Variants in CNOT6 observed in about 807,000 individuals in gnomAD.
CNOT6 encodes the protein carbon catabolite repression 4 protein.
Under a neutral mutation model 61.2 loss-of-function variants are expected in CNOT6, and 12 were observed. The observed-to-expected ratio is 0.20, with a 90% CI of 0.13 to 0.32. CNOT6 has a LOEUF of 0.32. Ranked by LOEUF, CNOT6 falls within the 10% of genes least tolerant of loss-of-function variation. CNOT6 has a pLI of 1.00. For missense variants in CNOT6, 405 were observed against 663.9 expected (o/e 0.61, Z 4.28); for synonymous variants, 225 against 240.6 (o/e 0.94, Z 0.60).
intron 1 of CNOT6, among the ~76,000 whole-genome samples, chr5:180,498,626 C>T (rs919613746): frequency 6.6e-6 from 1 of 152,144 alleles, no homozygotes; most frequent in Non-Finnish European, 1.5e-5. Context: ...GAAGGACCAG[C>T]CTTGCTAAGC....
chr5:180,512,675 C>T (rs980949813), intron 1 of CNOT6, among the ~76,000 whole-genome samples: 1 of 152,234 alleles, frequency 6.6e-6, no homozygotes, highest in Non-Finnish European at 1.5e-5. Flanking sequence ...CTGCTCACTG[C>T]AGCCTCCACC....
At chr5:180,556,943 G>C (rs143890905) in intron 4 of CNOT6, among the ~76,000 whole-genome samples, 2 of 150,434 alleles carry the variant, frequency 1.3e-5, no homozygotes, top group African/African-American at 4.9e-5. Flanking sequence ...GCAACAGAGC[G>C]AGACTCCGTC....
At chr5:180,567,559 T>G (rs1005135388) in intron 8 of CNOT6, among the ~76,000 whole-genome samples, 6 of 152,218 alleles carry the variant, frequency 3.9e-5, no homozygotes, top group Non-Finnish European at 5.9e-5. Flanking sequence ...TAGAAAAGAA[T>G]TGTTTAAAAA....
chr5:180,498,219 T>C (rs1472858277), intron 1 of CNOT6, among the ~76,000 whole-genome samples: 1 of 152,190 alleles, frequency 6.6e-6, no homozygotes, highest in East Asian at 1.9e-4. Flanking sequence ...TTCGCTCTTC[T>C]CTGTCCTTCA....
Position 180,529,946 on chromosome 5 carries a change from T to TA in CNOT6, c.112+559dup, listed in dbSNP as rs1758277271. On this transcript the variant is annotated intron_variant, in intron 2 of 11. Coordinates refer to ENST00000261951, the MANE Select transcript of CNOT6 (RefSeq NM_001370472.1). ...TTCCCCTTTTAATGCAATCTGGACA[T>TA]ATTCAAAGAAATATATGAGCCCTCA... 4.6e-5 allele frequency among the ~76,000 whole-genome samples: 7 copies of TA among 152,200 alleles called. No individual in the cohort carries two copies. The South Asian group carries it at 1.4e-3, about 31-fold the overall frequency.
chr5:180,570,689 A>C (rs1481097316), intron 10 of CNOT6, among the ~76,000 whole-genome samples: 1 of 152,230 alleles, frequency 6.6e-6, no homozygotes, highest in African/African-American at 2.4e-5. Context: ...ATGTAAATGA[A>C]AGTATATTTT....
intron 4 of CNOT6, among the ~76,000 whole-genome samples, chr5:180,555,652 G>A (rs979962778): frequency 1.3e-5 from 2 of 152,156 alleles, no homozygotes; most frequent in Non-Finnish European, 2.9e-5. Flanking sequence ...GGAATGATCC[G>A]TTTGGGGGTA....
intron 4 of CNOT6, among the ~76,000 whole-genome samples, chr5:180,561,062 T>C (rs1023556255): frequency 6.6e-6 from 1 of 152,126 alleles, no homozygotes; most frequent in African/African-American, 2.4e-5. Flanking sequence ...GCAGCTCTCC[T>C]ACCTCAGCCT....
chr5:180,558,917 T>C (rs1396005605), intron 4 of CNOT6, among the ~76,000 whole-genome samples: 1 of 152,186 alleles, frequency 6.6e-6, no homozygotes, highest in African/African-American at 2.4e-5. Flanking sequence ...CAGGTGGGAC[T>C]ACAAGCACTT....
intron 1 of CNOT6, among the ~76,000 whole-genome samples, chr5:180,521,915 C>G (rs1341966186): frequency 6.6e-6 from 1 of 152,080 alleles, no homozygotes; most frequent in East Asian, 1.9e-4. Context: ...GTATATGTGC[C>G]ACATTTTCTT....
intron 1 of CNOT6, among the ~76,000 whole-genome samples, chr5:180,502,296 C>A (rs1307296355): frequency 6.6e-6 from 1 of 152,132 alleles, no homozygotes; most frequent in East Asian, 1.9e-4. Context: ...AAAAAAAACT[C>A]TTTCTCATTA....
At chr5:180,566,305 A>G (rs1457312249) in intron 7 of CNOT6, among the ~76,000 whole-genome samples, 2 of 152,202 alleles carry the variant, frequency 1.3e-5, no homozygotes, top group East Asian at 3.8e-4. Flanking sequence ...TGCATTGCCG[A>G]CCATGTTGCT....
intron 4 of CNOT6, among the ~76,000 whole-genome samples, chr5:180,556,739 T>A (rs748731343): frequency 1.6e-4 from 25 of 152,084 alleles, no homozygotes; most frequent in Non-Finnish European, 3.2e-4. Context: ...GATCACGAGG[T>A]CAGGGGATCG....
At chr5:180,507,179 G>C (rs1053797922) in intron 1 of CNOT6, among the ~76,000 whole-genome samples, 1 of 152,168 alleles carries the variant, frequency 6.6e-6, no homozygotes, top group South Asian at 2.1e-4. Context: ...TTTGTGAGGG[G>C]TAAGTGGGAA....
Position 180,560,687 on chromosome 5 carries a change from G to T in CNOT6, c.386-3802G>T, listed in dbSNP as rs185284605. Among the ~76,000 whole-genome samples, 4 of 152,236 alleles carry T rather than the reference G, an allele frequency of 2.6e-5. No individual in the cohort carries two copies. In the East Asian group the frequency reaches 5.8e-4, roughly 22 times the overall value. On this transcript the variant is annotated intron_variant, in intron 4 of 11. Coordinates refer to ENST00000261951, the MANE Select transcript of CNOT6 (RefSeq NM_001370472.1). ...TAGTTTTCAGAAGTTTAATTATGAT[G>T]TGTCTTGCTGTGGATTCCTTTGGGT...
rs187639606 is a variant in CNOT6 at position 180,552,338 on chromosome 5, C to T, written c.300-1048C>T. 7.1e-4 allele frequency among the ~76,000 whole-genome samples: 108 copies of T among 151,994 alleles called. 1 individual carries two copies. The highest frequency in any genetic ancestry group is 3.7e-3 in the Admixed American group (57 of 15,262). ...AGATTATAGAAATAGATTTCTTGCA[C>T]ACTTAAAAAGTGACAAATAGGCTGG... On this transcript the variant is annotated intron_variant, in intron 3 of 11. Coordinates refer to ENST00000261951, the MANE Select transcript of CNOT6 (RefSeq NM_001370472.1).
intron 2 of CNOT6, among the ~76,000 whole-genome samples, chr5:180,529,823 C>T (rs1311915436): frequency 2.0e-5 from 3 of 152,164 alleles, no homozygotes; most frequent in East Asian, 3.8e-4. Flanking sequence ...GTTTGTTTCT[C>T]CTTATTTTCT....
chr5:180,555,943 A>G (rs1759864508), intron 4 of CNOT6, among the ~76,000 whole-genome samples: 1 of 152,096 alleles, frequency 6.6e-6, no homozygotes, highest in South Asian at 2.1e-4. Flanking sequence ...CCGCAGTACT[A>G]CAGTTAAAGG....
rs749164074 is a variant in CNOT6 at position 180,565,842 on chromosome 5, T to C, written c.582T>C (p.Tyr194=). Residue 194 remains tyrosine (Y), a synonymous_variant, in exon 7 of 12, where the codon TAT becomes TAC. Transcript: ENST00000261951. ...RPTALFSVMC[Y]NVLCDKYATR... ...CAGCCTTGTTTTCTGTCATGTGCTATAATGTTCTTTGTGATAAATATGCGA... is the reference window on the plus strand; with the variant it reads ...CAGCCTTGTTTTCTGTCATGTGCTACAATGTTCTTTGTGATAAATATGCGA... The C allele has an allele frequency of 6.2e-7, 1 of 1,612,072 alleles. No homozygotes were observed. The highest frequency in any genetic ancestry group is 8.5e-7 in the Non-Finnish European group (1 of 1,178,490).
Sources: gnomAD v4.1 joint callset for allele counts (sites outside exome capture counted in the v4.1 genomes callset) on GRCh38, gnomAD v4.1.1 for gene constraint, MANE v1.5 for transcripts, NCBI Gene and HGNC (gene_info 2026-07-23, HGNC 2026-07-21) for gene names.